PABPC4L: variants seen among roughly 807,000 people sequenced by gnomAD.
The protein encoded by PABPC4L is polyadenylate-binding protein 4-like.
For missense variants in PABPC4L, 452 were observed against 451.4 expected, an observed-to-expected ratio of 1.00 and a Z score of -0.01; for synonymous variants, 169 against 164.1, an observed-to-expected ratio of 1.03 and a Z score of -0.23.
the PABPC4L span, among the ~76,000 whole-genome samples, chr4:134,190,159 A>C: frequency 6.6e-6 from 1 of 152,146 alleles, no homozygotes; most frequent in Non-Finnish European, 1.5e-5. Flanking sequence ...GTTACCATAC[A>C]GGTTTCTGCT....
chr4:134,138,025 T>G, the PABPC4L span, among the ~76,000 whole-genome samples: 1 of 151,812 alleles, frequency 6.6e-6, no homozygotes, highest in African/African-American at 2.4e-5. Context: ...TTTATTTATA[T>G]GATATCTAAG....
the PABPC4L span, among the ~76,000 whole-genome samples, chr4:134,187,289 A>T: frequency 1.3e-5 from 2 of 152,100 alleles, no homozygotes; most frequent in East Asian, 1.9e-4. Flanking sequence ...ACTTGGAACC[A>T]ACCTAAATGT....
chr4:134,101,501 C>T, the PABPC4L span, among the ~76,000 whole-genome samples: 1 of 150,726 alleles, frequency 6.6e-6, no homozygotes, highest in African/African-American at 2.4e-5. Context: ...TTGAAGTTGT[C>T]ATGGGTATTT....
At chr4:134,018,569 T>A in the PABPC4L span, among the ~76,000 whole-genome samples, 1 of 152,190 alleles carries the variant, frequency 6.6e-6, no homozygotes, top group Non-Finnish European at 1.5e-5. Flanking sequence ...TTTTCATATG[T>A]ACTTTCACCC....
chr4:134,200,100 T>C lies in PABPC4L; in HGVS notation c.920A>G (p.Glu307Gly), dbSNP rs774810187. 3 of 1,551,674 alleles carry C rather than the reference T, an allele frequency of 1.9e-6. No individual in the cohort carries two copies. In the South Asian group the frequency reaches 3.6e-5, roughly 18 times the overall value. ...TGAAGAAAATTCGTTTCGTAGTTTT[T>C]CATCATCGATGGTGTCATCAAGGTT... ...IKNLDDTIDD[E>G]KLRNEFSSFG... is the part of the protein sequence containing the mutation. The change falls in exon 2 of 2, where the codon GAA becomes GGA. Residue 307 changes from glutamate to glycine, a missense_variant. Coordinates refer to ENST00000421491, the MANE Select transcript of PABPC4L (RefSeq NM_001114734.2).
At chr4:134,100,445 G>C in the PABPC4L span, among the ~76,000 whole-genome samples, 15 of 151,490 alleles carry the variant, frequency 9.9e-5, no homozygotes, top group African/African-American at 3.6e-4. Flanking sequence ...TGAATCCCTT[G>C]TATTAAAAAA....
At chr4:134,078,755 C>T in the PABPC4L span, among the ~76,000 whole-genome samples, 8 of 151,646 alleles carry the variant, frequency 5.3e-5, no homozygotes, top group South Asian at 1.7e-3. Context: ...CGTGTTCAAG[C>T]CTTTCTCCTG....
the PABPC4L span, among the ~76,000 whole-genome samples, chr4:134,161,335 T>C: frequency 2.0e-5 from 3 of 151,630 alleles, no homozygotes; most frequent in Non-Finnish European, 4.4e-5. Context: ...AAAGAGGATG[T>C]AGAGAGAGAG....
At chr4:134,159,934 G>C in the PABPC4L span, among the ~76,000 whole-genome samples, 4 of 152,084 alleles carry the variant, frequency 2.6e-5, no homozygotes, top group Non-Finnish European at 4.4e-5. Flanking sequence ...TATAAACTCC[G>C]ACACAGTAAA....
the PABPC4L span, among the ~76,000 whole-genome samples, chr4:133,995,187 A>C: frequency 0.47 from 72,006 of 151,980 alleles, 18,585 homozygotes; most frequent in African/African-American, 0.65. Flanking sequence ...TTGATTTGCC[A>C]AATGTTTCCC....
At chr4:134,176,998 G>A in the PABPC4L span, among the ~76,000 whole-genome samples, 9 of 152,120 alleles carry the variant, frequency 5.9e-5, no homozygotes, top group Middle Eastern at 3.4e-3. Flanking sequence ...CACCAATTGT[G>A]GTGACTTGGA....
downstream of PABPC4L, among the ~76,000 whole-genome samples, chr4:134,193,619 C>T (rs1287463699): frequency 6.6e-6 from 1 of 151,804 alleles, no homozygotes; most frequent in African/African-American, 2.4e-5. Context: ...AAATTCTATA[C>T]TGTGTATATG....
At chr4:134,059,219 C>T in the PABPC4L span, among the ~76,000 whole-genome samples, 4 of 151,634 alleles carry the variant, frequency 2.6e-5, no homozygotes, top group South Asian at 8.3e-4. Flanking sequence ...ACCAGATTGC[C>T]TGCAATGAAA....
chr4:134,200,365 C>A lies in PABPC4L; in HGVS notation c.655G>T (p.Val219Phe). 4 of 1,589,012 alleles carry A rather than the reference C, an allele frequency of 2.5e-6. No individual in the cohort carries two copies. Among genetic ancestry groups the A allele is most frequent in the Non-Finnish European group, 3.4e-6 (4 of 1,166,168 alleles). Residue 219 changes from valine (V) to phenylalanine (F), a missense_variant, in exon 2 of 2, where the codon GTT becomes TTT. By Grantham distance (50) the Val-to-Phe change is conservative. Coordinates refer to ENST00000421491, the MANE Select transcript of PABPC4L (RefSeq NM_001114734.2). Reference sequence around the variant, plus strand: ...CCACTGGAATCTGTCATCACCTTAACACTCAGAGTTTTGCCATATTTGCTG... The same window carrying A: ...CCACTGGAATCTGTCATCACCTTAAAACTCAGAGTTTTGCCATATTTGCTG... ...VFSKYGKTLSVKVMTDSSGKS... is the reference protein window; with the variant it reads ...VFSKYGKTLSFKVMTDSSGKS...
chr4:134,140,609 T>C, the PABPC4L span, among the ~76,000 whole-genome samples: 58 of 151,970 alleles, frequency 3.8e-4, no homozygotes, highest in African/African-American at 1.4e-3. Flanking sequence ...TAGTAAAATG[T>C]TGCTTAATTA....
At chr4:134,120,099 C>A in the PABPC4L span, among the ~76,000 whole-genome samples, 1 of 151,542 alleles carries the variant, frequency 6.6e-6, no homozygotes, top group East Asian at 1.9e-4. Flanking sequence ...TGACATTGAT[C>A]TTGGAGTGGA....
the PABPC4L span, among the ~76,000 whole-genome samples, chr4:134,086,514 T>A: frequency 6.7e-6 from 1 of 150,368 alleles, no homozygotes; most frequent in Admixed American, 6.6e-5. Flanking sequence ...ACTTTTCAAT[T>A]TTTTTTTTTA....
At chr4:134,173,632 T>G in the PABPC4L span, among the ~76,000 whole-genome samples, 1 of 152,094 alleles carries the variant, frequency 6.6e-6, no homozygotes, top group Admixed American at 6.6e-5. Flanking sequence ...AGAAATATGA[T>G]CCAGTGTTTT....
the PABPC4L span, among the ~76,000 whole-genome samples, chr4:134,161,355 C>T: frequency 6.6e-6 from 1 of 151,654 alleles, no homozygotes; most frequent in Non-Finnish European, 1.5e-5. Context: ...GAATGGGATA[C>T]AAATCTTATT....
Sources: allele counts gnomAD v4.1 joint callset (sites outside exome capture counted in the v4.1 genomes callset), GRCh38; gene constraint gnomAD v4.1.1; transcripts MANE v1.5; gene names NCBI Gene and HGNC (gene_info 2026-07-23, HGNC 2026-07-21).